Variants in SSX2IP observed in about 807,000 individuals in gnomAD.
The protein encoded by SSX2IP is SSX family member 2 interacting protein, also known as afadin- and alpha-actinin-binding protein.
Under a neutral mutation model 84.9 loss-of-function variants are expected in SSX2IP, and 55 were observed. That is an observed-to-expected ratio of 0.65 (90% CI 0.52 to 0.81). The LOEUF (loss-of-function observed/expected upper bound fraction) is 0.81. Among genes scored for constraint, SSX2IP ranks in the 30% least tolerant of loss-of-function variants. SSX2IP has a pLI of 0.00. For missense variants in SSX2IP, 664 were observed against 705.2 expected, an observed-to-expected ratio of 0.94 and a Z score of 0.66; for synonymous variants, 239 against 234.7, an observed-to-expected ratio of 1.02 and a Z score of -0.17.
At chr1:84,686,473 T>TACCC (rs1179985287) in intron 1 of SSX2IP, among the ~76,000 whole-genome samples, 10 of 152,322 alleles carry the variant, frequency 6.6e-5, no homozygotes, top group Non-Finnish European at 1.3e-4. Flanking sequence ...AAACTGGGTT[T>TACCC]GGGCAAATGT....
At chr1:84,671,346 A>C in intron 1 of SSX2IP, 38 bp from the exon 2 acceptor site, 2 of 1,430,750 alleles carry the variant, frequency 1.4e-6, no homozygotes, top group African/African-American at 1.5e-5. Context: ...CATCTAATTT[A>C]AAATATGAAA....
At chr1:84,682,544 C>T (rs1412306687) in intron 1 of SSX2IP, among the ~76,000 whole-genome samples, 2 of 150,886 alleles carry the variant, frequency 1.3e-5, no homozygotes, top group Admixed American at 1.3e-4. Flanking sequence ...GCTCTGTTGC[C>T]CAGGCTGGAG....
At chr1:84,665,203 T>C (rs1652606888) in intron 5 of SSX2IP, among the ~76,000 whole-genome samples, 1 of 152,156 alleles carries the variant, frequency 6.6e-6, no homozygotes, top group Non-Finnish European at 1.5e-5. Context: ...ACTTAATCCC[T>C]ACCGAAGATG....
At position 84,646,406 on chromosome 1, in the gene SSX2IP, TATC is replaced by T. The variant is rs1203166456; in HGVS notation, c.*1024_*1026del. On this transcript the variant is annotated 3_prime_UTR_variant, in exon 14 of 14. Transcript: ENST00000342203. Reference sequence around the variant, plus strand: ...ATTATAAAATTTGATGGTTTTATATTATCATATTTCTTCAGTGGTAAATACCTC... The same window carrying T: ...ATTATAAAATTTGATGGTTTTATATTATATTTCTTCAGTGGTAAATACCTC... 10 of 152,618 alleles carry T rather than the reference TATC, an allele frequency of 6.6e-5. No individual in the cohort carries two copies. The highest frequency in any genetic ancestry group is 1.3e-4 in the Non-Finnish European group (9 of 68,026). The allele number at this position is 152,618 out of a possible 1,614,324, so 9.5% of individuals were successfully genotyped here.
chr1:84,668,255 T>C (rs1265702713), intron 4 of SSX2IP, among the ~76,000 whole-genome samples: 1 of 152,156 alleles, frequency 6.6e-6, no homozygotes, highest in African/African-American at 2.4e-5. Context: ...TAGCTACTTA[T>C]AAGACATGTG....
chr1:84,681,775 C>T (rs1373191584), intron 1 of SSX2IP, among the ~76,000 whole-genome samples: 1 of 152,176 alleles, frequency 6.6e-6, no homozygotes, highest in Admixed American at 6.5e-5. Context: ...CTTCTAGCAC[C>T]TGTTCCACAT....
At chr1:84,651,801 TTAA>T (rs1270623097) in intron 12 of SSX2IP, 79 bp downstream of exon 12, 1 of 822,688 alleles carries the variant, frequency 1.2e-6, no homozygotes, top group Admixed American at 2.8e-5. Flanking sequence ...AAGTTTTGTA[TTAA>T]TAATATGTAG....
In SSX2IP at chr1:84,666,166, T is replaced by C; in HGVS notation, c.493A>G (p.Lys165Glu). ...LQERDRQLQC[K>E]NRNLHQLLKN... Reference sequence around the variant, plus strand: ...AGTAGCTGATGCAAATTCCTGTTCTTACATTGTAACTGTCTGTCTCTTTCC... The same window carrying C: ...AGTAGCTGATGCAAATTCCTGTTCTCACATTGTAACTGTCTGTCTCTTTCC... The change falls in exon 5 of 14, where the codon AAG becomes GAG. Residue 165 changes from lysine to glutamate, a missense_variant. Physicochemically the swap from Lys to Glu is moderately conservative, Grantham distance 56. Transcript: ENST00000342203. 1 of 1,612,904 alleles carries C rather than the reference T, an allele frequency of 6.2e-7. No homozygotes were observed. The highest frequency in any genetic ancestry group is 8.5e-7 in the Non-Finnish European group (1 of 1,179,378).
chr1:84,652,044 C>T (rs2102185264), intron 11 of SSX2IP, 47 bp from the exon 12 acceptor site: 1 of 1,380,818 alleles, frequency 7.2e-7, no homozygotes, highest in African/African-American at 1.4e-5. Context: ...TCAACATCCA[C>T]ACAGTTGCCA....
At chr1:84,660,319 C>T (rs1012313992) in intron 8 of SSX2IP, among the ~76,000 whole-genome samples, 2 of 152,128 alleles carry the variant, frequency 1.3e-5, no homozygotes, top group Non-Finnish European at 2.9e-5. Flanking sequence ...AGGGTTTAAT[C>T]ACTGAAGAAA....
intron 6 of SSX2IP, among the ~76,000 whole-genome samples, chr1:84,664,195 C>T (rs1342296317): frequency 6.6e-6 from 1 of 152,082 alleles, no homozygotes. Context: ...CTACACTGGT[C>T]ATGTTAAAAA....
chr1:84,652,244 A>G (rs1650359124), intron 11 of SSX2IP: 1 of 368,896 alleles, frequency 2.7e-6, no homozygotes, highest in Non-Finnish European at 5.1e-6. Flanking sequence ...GCAACACGGC[A>G]AAACCCTGTC....
chr1:84,669,967 T>C, intron 3 of SSX2IP, 74 bp from the exon 4 acceptor site: 1 of 1,062,998 alleles, frequency 9.4e-7, no homozygotes, highest in Non-Finnish European at 1.4e-6. Context: ...AAACTTTCAG[T>C]TAGATAGGAA....
intron 13 of SSX2IP, chr1:84,650,004 C>T (rs1649993163): frequency 1.6e-6 from 1 of 620,204 alleles, no homozygotes; most frequent in Admixed American, 2.1e-5. Context: ...ATGTACTCTA[C>T]AAAAACTGTC....
intron 2 of SSX2IP, 52 bp downstream of exon 2, chr1:84,671,125 A>C: frequency 6.3e-7 from 1 of 1,580,152 alleles, no homozygotes; most frequent in South Asian, 1.2e-5. Flanking sequence ...TTCATTGAAA[A>C]ATTCACCTTT....
At chr1:84,655,391 A>T (rs1351181849) in intron 11 of SSX2IP, 1 of 1,231,286 alleles carries the variant, frequency 8.1e-7, no homozygotes, top group Non-Finnish European at 1.0e-6. Context: ...CTAAGTAAAA[A>T]AAGCAAGCTG....
chr1:84,655,878 C>G lies in SSX2IP; in HGVS notation c.1343G>C (p.Arg448Thr), dbSNP rs1384158126. The change falls in exon 11 of 14, where the codon AGG (arginine) becomes ACG (threonine). Residue 448 changes from arginine to threonine, a missense_variant. Transcript: ENST00000342203. ...GGCTTCTGTAAAGCTTCGTCTCTCC[C>G]TCTCAAAATTCTTTTTCTGCTCTTT... ...LFKEQKKNFE[R>T]ERRSFTEAAI... The G allele has an allele frequency of 6.2e-7, 1 of 1,614,012 alleles. No individual in the cohort carries two copies. The highest frequency in any genetic ancestry group is 8.5e-7 in the Non-Finnish European group (1 of 1,179,914).
intron 1 of SSX2IP, among the ~76,000 whole-genome samples, chr1:84,686,449 G>A (rs1019009474): frequency 9.2e-5 from 14 of 152,162 alleles, no homozygotes; most frequent in African/African-American, 2.9e-4. Flanking sequence ...GGGAACAGAG[G>A]AGTAAAGTTA....
rs530711091 is a variant in SSX2IP, at chr1:84,684,701, A to G, written c.-90+5670T>C. On this transcript the variant is annotated intron_variant, in intron 1 of 13. Transcript: ENST00000342203. ...TCACAATAGCGAGTAGCACAAGAGT[A>G]TCACCCTGGAAACAACCCATATACC... 3.9e-5 allele frequency among the ~76,000 whole-genome samples: 6 copies of G among 152,344 alleles called. No homozygotes were observed. In the East Asian group the frequency reaches 1.2e-3, roughly 29 times the overall value.
Sources: gnomAD v4.1 joint callset for allele counts (sites outside exome capture counted in the v4.1 genomes callset) on GRCh38, gnomAD v4.1.1 for gene constraint, MANE v1.5 for transcripts, NCBI Gene and HGNC (gene_info 2026-07-23, HGNC 2026-07-21) for gene names.